The following NELL1 variants were observed in gnomAD, a reference collection of about 807,000 sequenced individuals.
The protein encoded by NELL1 is neural EGFL like 1.
NELL1 carries 76 observed loss-of-function variants against 107.4 expected under a neutral mutation model. The ratio of observed to expected loss-of-function variants is 0.71; its 90% CI spans 0.59 to 0.86. NELL1 has a LOEUF of 0.86. Among genes scored for constraint, NELL1 ranks in the 40% least tolerant of loss-of-function variants. The probability of loss-of-function intolerance (pLI) is 0.00; values close to 1 mark genes in which losing one functional copy is unlikely to be tolerated. For missense variants in NELL1, 1,024 were observed against 1,005.5 expected (o/e 1.02, Z -0.25); for synonymous variants, 353 against 341.2 (o/e 1.03, Z -0.38).
At chr11:20,687,581 T>G (rs190181647) in intron 2 of NELL1, among the ~76,000 whole-genome samples, 341 of 150,768 alleles carry the variant, frequency 2.3e-3, no homozygotes, top group Non-Finnish European at 4.0e-3. Flanking sequence ...TTAAGGTCTT[T>G]ATGAACTAAA....
chr11:21,355,015 T>A (rs1850901149), intron 14 of NELL1, among the ~76,000 whole-genome samples: 1 of 152,208 alleles, frequency 6.6e-6, no homozygotes. Flanking sequence ...CTGTAAATGT[T>A]GAATGCCAAA....
At chr11:21,074,467 A>G (rs934815608) in intron 12 of NELL1, among the ~76,000 whole-genome samples, 7 of 152,208 alleles carry the variant, frequency 4.6e-5, no homozygotes, top group Admixed American at 1.3e-4. Flanking sequence ...ACTGTATTAT[A>G]TATAATATAG....
intron 14 of NELL1, among the ~76,000 whole-genome samples, chr11:21,241,343 A>T (rs914581616): frequency 3.9e-5 from 6 of 152,104 alleles, no homozygotes; most frequent in Admixed American, 3.3e-4. Context: ...ACATCAGCTC[A>T]GGTTATGGGC....
chr11:21,502,180 A>G (rs927009462), intron 15 of NELL1, among the ~76,000 whole-genome samples: 2 of 152,186 alleles, frequency 1.3e-5, no homozygotes, highest in African/African-American at 2.4e-5. Context: ...AGAATGGACA[A>G]ATGAATGAGT....
intron 15 of NELL1, among the ~76,000 whole-genome samples, chr11:21,508,778 A>G (rs532024737): frequency 1.5e-4 from 22 of 147,276 alleles, no homozygotes; most frequent in African/African-American, 5.3e-4. Flanking sequence ...ATATTTCCAA[A>G]AAAATCAACT....
At chr11:21,246,096 C>T (rs11828489) in intron 14 of NELL1, among the ~76,000 whole-genome samples, 1,689 of 152,098 alleles carry the variant, frequency 0.011, 29 homozygotes, top group African/African-American at 0.038. Context: ...GCAAGCCCAC[C>T]CATATGACAG....
intron 12 of NELL1, among the ~76,000 whole-genome samples, chr11:20,983,884 C>G (rs1256918846): frequency 6.6e-6 from 1 of 152,140 alleles, no homozygotes. Flanking sequence ...ACCACAGGAA[C>G]CTTCAGGATC....
At chr11:21,439,839 C>T (rs1853232588) in intron 15 of NELL1, among the ~76,000 whole-genome samples, 1 of 151,486 alleles carries the variant, frequency 6.6e-6, no homozygotes, top group Non-Finnish European at 1.5e-5. Flanking sequence ...CATTGATGGC[C>T]ATTTCTAGCA....
intron 12 of NELL1, among the ~76,000 whole-genome samples, chr11:21,023,398 C>T (rs541295217): frequency 1.4e-4 from 22 of 152,164 alleles, no homozygotes; most frequent in Non-Finnish European, 1.9e-4. Context: ...GCTCTATTAT[C>T]TCTCCAAATG....
chr11:21,490,823 A>G (rs1290236042), intron 15 of NELL1, among the ~76,000 whole-genome samples: 1 of 152,114 alleles, frequency 6.6e-6, no homozygotes, highest in African/African-American at 2.4e-5. Context: ...GGACTTAAAC[A>G]TAAGACCTGA....
intron 12 of NELL1, among the ~76,000 whole-genome samples, chr11:21,092,955 G>A (rs188814404): frequency 1.5e-4 from 23 of 152,044 alleles, no homozygotes; most frequent in East Asian, 5.8e-4. Context: ...GTGGTCTGGC[G>A]GGATCAGAGC....
rs113337528 is a variant in NELL1 at position 20,970,893 on chromosome 11, A to G, written c.1300+10333A>G. Among the ~76,000 whole-genome samples, 716 of 152,218 alleles carry G rather than the reference A, an allele frequency of 4.7e-3. 14 individuals are homozygous for G. The highest frequency in any genetic ancestry group is 0.017 in the African/African-American group (686 of 41,534). ...TATGGAAAAAAAAATTAGAACTTTT[A>G]TTTATGCTTATTTTCATCTCATCCT... On this transcript the variant is annotated intron_variant, in intron 12 of 19. Coordinates refer to ENST00000357134, the MANE Select transcript of NELL1 (RefSeq NM_006157.5).
intron 12 of NELL1, among the ~76,000 whole-genome samples, chr11:21,066,054 T>C (rs1393417633): frequency 2.6e-5 from 4 of 152,336 alleles, no homozygotes; most frequent in Admixed American, 1.3e-4. Context: ...CACTTTTAAA[T>C]GAATACGGTT....
intron 16 of NELL1, among the ~76,000 whole-genome samples, chr11:21,539,409 G>A (rs572644124): frequency 6.6e-5 from 10 of 151,966 alleles, no homozygotes; most frequent in Non-Finnish European, 1.5e-4. Context: ...ACGGCTTTCT[G>A]TATCTCAAGC....
At chr11:21,311,160 C>G (rs578207564) in intron 14 of NELL1, among the ~76,000 whole-genome samples, 1 of 152,078 alleles carries the variant, frequency 6.6e-6, no homozygotes, top group Non-Finnish European at 1.5e-5. Flanking sequence ...ATTACCCATG[C>G]TATAAAATTA....
intron 2 of NELL1, among the ~76,000 whole-genome samples, chr11:20,723,861 G>A (rs570024836): frequency 1.3e-5 from 2 of 152,322 alleles, no homozygotes; most frequent in African/African-American, 4.8e-5. Flanking sequence ...TGAAATCTAG[G>A]TGGAGGTTCC....
chr11:21,485,082 C>T (rs1323630684), intron 15 of NELL1, among the ~76,000 whole-genome samples: 2 of 152,104 alleles, frequency 1.3e-5, no homozygotes, highest in African/African-American at 2.4e-5. Context: ...CATGTATAAT[C>T]CTAGCCATGG....
At chr11:20,732,328 A>G (rs1234499486) in intron 2 of NELL1, among the ~76,000 whole-genome samples, 1 of 152,080 alleles carries the variant, frequency 6.6e-6, no homozygotes, top group Non-Finnish European at 1.5e-5. Flanking sequence ...TCCATCTTTA[A>G]TCCTCACTTC....
chr11:21,070,133 T>G (rs1457893734), intron 12 of NELL1, among the ~76,000 whole-genome samples: 2 of 152,038 alleles, frequency 1.3e-5, no homozygotes, highest in African/African-American at 2.4e-5. Context: ...GGCTGTTTTT[T>G]TTTTTGAAGT....
Sources: gnomAD v4.1 joint callset for allele counts (sites outside exome capture counted in the v4.1 genomes callset) on GRCh38, gnomAD v4.1.1 for gene constraint, MANE v1.5 for transcripts, NCBI Gene and HGNC (gene_info 2026-07-23, HGNC 2026-07-21) for gene names.